TMEM178B: variants seen among roughly 807,000 people sequenced by gnomAD.
TMEM178B encodes the protein transmembrane protein 178B.
TMEM178B carries 5 observed loss-of-function variants against 31.0 expected under a neutral mutation model. The observed-to-expected ratio is 0.16, with a 90% CI of 0.08 to 0.34. TMEM178B has a LOEUF of 0.34. Among genes scored for constraint, TMEM178B ranks in the 10% least tolerant of loss-of-function variants. The probability of loss-of-function intolerance (pLI) is 1.00; values close to 1 mark genes in which losing one functional copy is unlikely to be tolerated. For synonymous variants in TMEM178B, 164 were observed against 164.0 expected, an observed-to-expected ratio of 1.00 and a Z score of 0.00; for missense variants, 275 against 400.3, an observed-to-expected ratio of 0.69 and a Z score of 2.67.
At chr7:141,244,854 A>G (rs1797699161) in intron 2 of TMEM178B, among the ~76,000 whole-genome samples, 1 of 152,074 alleles carries the variant, frequency 6.6e-6, no homozygotes, top group South Asian at 2.1e-4. Context: ...AAGGATGCAC[A>G]GGGCCAGGCT....
At chr7:141,423,476 A>G (rs2116655938) in intron 2 of TMEM178B, among the ~76,000 whole-genome samples, 1 of 152,360 alleles carries the variant, frequency 6.6e-6, no homozygotes, top group East Asian at 1.9e-4. Context: ...GCCTGTATCA[A>G]TTCAAGTGCT....
chr7:141,173,342 A>C (rs1380435641), intron 1 of TMEM178B: 1 of 152,254 alleles, frequency 6.6e-6, no homozygotes, highest in African/African-American at 2.4e-5. Flanking sequence ...GCCTGACACA[A>C]AGTAGATGCT....
Position 141,470,747 on chromosome 7 carries a change from C to T in TMEM178B, c.846C>T (p.Asn282=), listed in dbSNP as rs970588136. ...CTGTTCAACCTGTCCCGAGGACCAA[C>T]TACCCTAAATCCAGACCCGAGAATG... ...APSVQPVPRT[N]YPKSRPENGT... Residue 282 remains asparagine (N), a synonymous_variant, in exon 4 of 4, where the codon AAC becomes AAT. Transcript: ENST00000565468. 28 of 1,531,552 alleles carry T rather than the reference C, an allele frequency of 1.8e-5. No homozygotes were observed. The highest frequency in any genetic ancestry group is 2.3e-5 in the Non-Finnish European group (26 of 1,145,050). 94.9% of individuals were successfully genotyped at this position (1,531,552 alleles called of 1,614,324 possible). A position where few individuals can be genotyped will look rare whatever the true frequency, so the allele number is the denominator to read the frequency against.
At chr7:141,206,153 A>G (rs1011453472) in intron 1 of TMEM178B, among the ~76,000 whole-genome samples, 1 of 152,336 alleles carries the variant, frequency 6.6e-6, no homozygotes, top group Non-Finnish European at 1.5e-5. Flanking sequence ...CAGGGACCAC[A>G]CTTAGTACTT....
intron 2 of TMEM178B, among the ~76,000 whole-genome samples, chr7:141,260,423 C>T (rs545921133): frequency 1.3e-5 from 2 of 152,036 alleles, no homozygotes; most frequent in Admixed American, 1.3e-4. Flanking sequence ...TTTTTTTTGA[C>T]CATTTTTTCC....
At chr7:141,351,895 C>T (rs1309370890) in intron 2 of TMEM178B, 1 of 152,284 alleles carries the variant, frequency 6.6e-6, no homozygotes, top group East Asian at 1.9e-4. Context: ...AAGAAAGAGA[C>T]TTGAGAGGCT....
At chr7:141,203,549 T>A (rs1211605620) in intron 1 of TMEM178B, among the ~76,000 whole-genome samples, 1 of 152,228 alleles carries the variant, frequency 6.6e-6, no homozygotes, top group Non-Finnish European at 1.5e-5. Flanking sequence ...TACAAGGCAC[T>A]GTGGCTGCAA....
intron 2 of TMEM178B, among the ~76,000 whole-genome samples, chr7:141,349,983 C>G (rs140469851): frequency 9.2e-5 from 14 of 151,966 alleles, no homozygotes; most frequent in African/African-American, 2.9e-4. Context: ...ATCCATCCAT[C>G]CATCCATCCA....
At chr7:141,412,085 C>T (rs961330294) in intron 2 of TMEM178B, among the ~76,000 whole-genome samples, 1 of 152,036 alleles carries the variant, frequency 6.6e-6, no homozygotes, top group Non-Finnish European at 1.5e-5. Flanking sequence ...TCCTGTATCC[C>T]CAAAGAGCAT....
intron 1 of TMEM178B, among the ~76,000 whole-genome samples, chr7:141,195,659 A>G (rs556170229): frequency 5.8e-4 from 88 of 152,268 alleles, no homozygotes; most frequent in African/African-American, 2.0e-3. Flanking sequence ...AGTTGCTTCC[A>G]CATTTTCAGG....
chr7:141,249,143 C>A (rs1240459338), intron 2 of TMEM178B, among the ~76,000 whole-genome samples: 2 of 152,164 alleles, frequency 1.3e-5, no homozygotes, highest in Non-Finnish European at 2.9e-5. Context: ...TGAATTGTAG[C>A]TCCCATAATT....
intron 2 of TMEM178B, among the ~76,000 whole-genome samples, chr7:141,226,867 A>G (rs1019194801): frequency 8.2e-6 from 1 of 121,744 alleles, no homozygotes; most frequent in Non-Finnish European, 1.7e-5. Context: ...CTGAAAAAAA[A>G]AAAAAAAGAA....
intron 3 of TMEM178B, among the ~76,000 whole-genome samples, chr7:141,456,247 G>T (rs1801960634): frequency 6.6e-6 from 1 of 152,168 alleles, no homozygotes; most frequent in Non-Finnish European, 1.5e-5. Flanking sequence ...AGAGTCATAG[G>T]ATCATTTAGA....
intron 2 of TMEM178B, among the ~76,000 whole-genome samples, chr7:141,421,320 T>C (rs60503883): frequency 0.018 from 2,812 of 152,320 alleles, 84 homozygotes; most frequent in African/African-American, 0.064. Flanking sequence ...TAAAGACTGG[T>C]ATATCCTGCA....
intron 2 of TMEM178B, among the ~76,000 whole-genome samples, chr7:141,367,746 C>G (rs1286533678): frequency 6.6e-6 from 1 of 152,166 alleles, no homozygotes; most frequent in Non-Finnish European, 1.5e-5. Context: ...CCGACCTCCT[C>G]TCTTGGGAAG....
chr7:141,279,119 C>T lies in TMEM178B; in HGVS notation c.496+66415C>T, dbSNP rs146518793. On this transcript the variant is annotated intron_variant, in intron 2 of 3. Transcript: ENST00000565468. ...ATGCTGACCGTCGATGGGTCCTTGT[C>T]TTGGATTAGTTGGGCCAGAGAACTT... Among the ~76,000 whole-genome samples, 579 of 152,242 alleles carry T rather than the reference C, an allele frequency of 3.8e-3. 5 individuals are homozygous for T. The highest frequency in any genetic ancestry group is 0.014 in the African/African-American group (564 of 41,546).
At chr7:141,186,049 C>T (rs1209744863) in intron 1 of TMEM178B, among the ~76,000 whole-genome samples, 1 of 152,174 alleles carries the variant, frequency 6.6e-6, no homozygotes, top group Non-Finnish European at 1.5e-5. Flanking sequence ...TAACTTACCA[C>T]CTTTCCTGCC....
At chr7:141,437,565 C>G (rs1490191035) in intron 2 of TMEM178B, 43 bp from the exon 3 acceptor site, 7 of 1,533,506 alleles carry the variant, frequency 4.6e-6, no homozygotes, top group Admixed American at 2.0e-5. Flanking sequence ...GGCCCTCAGT[C>G]CCAGGCTCTG....
rs907758536 is a variant in TMEM178B, at chr7:141,475,148, T to G, written c.*4362T>G. 4 of 152,238 alleles carry G rather than the reference T, an allele frequency of 2.6e-5. No individual in the cohort carries two copies. Among genetic ancestry groups the G allele is most frequent in the African/African-American group, 9.7e-5 (4 of 41,450 alleles). 9.4% of individuals were successfully genotyped at this position (152,238 alleles called of 1,614,324 possible). ...GTTTCTGAGTGAGAGGTGATTTCAG[T>G]GCAGATAGGAAGAGCTGGTGCACAC... is the stretch of plus-strand genomic sequence containing the variant. On this transcript the variant is annotated 3_prime_UTR_variant, in exon 4 of 4. Transcript: ENST00000565468.
Sources: gnomAD v4.1 joint callset for allele counts (sites outside exome capture counted in the v4.1 genomes callset) on GRCh38, gnomAD v4.1.1 for gene constraint, MANE v1.5 for transcripts, NCBI Gene and HGNC (gene_info 2026-07-23, HGNC 2026-07-21) for gene names.